The following ESRRG variants were observed in gnomAD, a reference collection of about 807,000 sequenced individuals.
The protein encoded by ESRRG is estrogen-related receptor gamma.
In ESRRG, 13 loss-of-function variants were observed where a neutral mutation model predicts 44.0. The ratio of observed to expected loss-of-function variants is 0.30; its 90% CI spans 0.19 to 0.47. The LOEUF (loss-of-function observed/expected upper bound fraction) is 0.47. ESRRG is among the 20% of genes least tolerant of loss of function. The pLI is 1.00. For synonymous variants in ESRRG, 215 were observed against 214.6 expected, an observed-to-expected ratio of 1.00 and a Z score of -0.02; for missense variants, 395 against 580.6, an observed-to-expected ratio of 0.68 and a Z score of 3.29.
chr1:216,710,333 C>G (rs2083339382), intron 1 of ESRRG, among the ~76,000 whole-genome samples: 1 of 152,134 alleles, frequency 6.6e-6, no homozygotes, highest in African/African-American at 2.4e-5. Flanking sequence ...CTGTACAGAG[C>G]TGGAAACAAA....
chr1:217,074,451 C>CG (rs140445948), intron 1 of ESRRG, among the ~76,000 whole-genome samples: 4 of 144,158 alleles, frequency 2.8e-5, no homozygotes, highest in Non-Finnish European at 3.0e-5. Context: ...TCCACCCCCC[C>CG]CAAAAAAAAA....
chr1:216,791,063 T>A (rs2094304174), intron 2 of ESRRG, among the ~76,000 whole-genome samples: 1 of 152,158 alleles, frequency 6.6e-6, no homozygotes, highest in South Asian at 2.1e-4. Context: ...GATTAAGAAG[T>A]GTAAGCAGTG....
intron 1 of ESRRG, among the ~76,000 whole-genome samples, chr1:217,039,352 T>C (rs973218543): frequency 1.3e-5 from 2 of 152,202 alleles, no homozygotes; most frequent in Non-Finnish European, 1.5e-5. Flanking sequence ...CTGATAAATA[T>C]GTACCCGAGA....
intron 2 of ESRRG, among the ~76,000 whole-genome samples, chr1:216,920,907 A>G (rs2061757633): frequency 6.6e-6 from 1 of 152,222 alleles, no homozygotes; most frequent in Non-Finnish European, 1.5e-5. Flanking sequence ...AGGCAGCATT[A>G]TGCTGTGAGC....
intron 1 of ESRRG, among the ~76,000 whole-genome samples, chr1:217,037,679 G>A (rs534411399): frequency 6.6e-6 from 1 of 152,086 alleles, no homozygotes; most frequent in African/African-American, 2.4e-5. Flanking sequence ...GTCCCCCAAA[G>A]TCTCAACTCA....
At chr1:216,997,375 T>G (rs2076496500) in intron 1 of ESRRG, among the ~76,000 whole-genome samples, 1 of 152,206 alleles carries the variant, frequency 6.6e-6, no homozygotes, top group East Asian at 1.9e-4. Context: ...GCCACTTCAT[T>G]TAGCAGCCTG....
intron 1 of ESRRG, among the ~76,000 whole-genome samples, chr1:217,029,050 T>C (rs2081627086): frequency 1.4e-5 from 1 of 69,108 alleles, no homozygotes. Context: ...ATGAGCTCTC[T>C]GAAAAACTTA....
intron 3 of ESRRG, among the ~76,000 whole-genome samples, chr1:216,595,231 A>T (rs979883593): frequency 6.6e-6 from 1 of 152,194 alleles, no homozygotes; most frequent in African/African-American, 2.4e-5. Context: ...CAAAGTTGAT[A>T]TTATTACCTG....
chr1:216,823,822 T>C (rs1296908110), intron 2 of ESRRG, among the ~76,000 whole-genome samples: 1 of 152,172 alleles, frequency 6.6e-6, no homozygotes, highest in Non-Finnish European at 1.5e-5. Context: ...TACTGGCTCC[T>C]GGCCTATGAT....
intron 2 of ESRRG, among the ~76,000 whole-genome samples, chr1:216,732,849 AG>A (rs796622589): frequency 7.1e-4 from 95 of 134,666 alleles, no homozygotes; most frequent in African/African-American, 2.6e-3. Context: ...AAAAAAAAAA[AG>A]GGGGGGGAGG....
chr1:216,873,336 T>G (rs1297915375), intron 2 of ESRRG, among the ~76,000 whole-genome samples: 4 of 148,238 alleles, frequency 2.7e-5, no homozygotes. Context: ...CTCAGCCTCC[T>G]GAGTAGCTGG....
chr1:217,116,759 A>G (rs555099175), intron 1 of ESRRG, among the ~76,000 whole-genome samples: 1 of 152,264 alleles, frequency 6.6e-6, no homozygotes, highest in South Asian at 2.1e-4. Context: ...TCCTCTTTGA[A>G]TACCTTCCTC....
At chr1:216,809,265 T>C (rs1315246041) in intron 2 of ESRRG, among the ~76,000 whole-genome samples, 1 of 151,892 alleles carries the variant, frequency 6.6e-6, no homozygotes, top group East Asian at 1.9e-4. Flanking sequence ...GTTTTTATTG[T>C]TGTTTTAAAA....
chr1:216,719,863 A>C (rs2085816497), intron 1 of ESRRG, among the ~76,000 whole-genome samples: 1 of 152,076 alleles, frequency 6.6e-6, no homozygotes, highest in Non-Finnish European at 1.5e-5. Flanking sequence ...AGAAACCATC[A>C]CTGTAAGAAG....
At chr1:216,978,206 C>T (rs901228482) in intron 1 of ESRRG, among the ~76,000 whole-genome samples, 1 of 152,168 alleles carries the variant, frequency 6.6e-6, no homozygotes, top group African/African-American at 2.4e-5. Context: ...CCACCCCCAA[C>T]TCCCACCCTC....
intron 1 of ESRRG, among the ~76,000 whole-genome samples, chr1:216,964,499 T>C (rs1052424519): frequency 2.6e-5 from 4 of 152,108 alleles, no homozygotes; most frequent in Non-Finnish European, 5.9e-5. Context: ...TGATGATGGC[T>C]CTGGGGAGTT....
chr1:216,608,828 C>A (rs2150274193), intron 3 of ESRRG, among the ~76,000 whole-genome samples: 1 of 152,218 alleles, frequency 6.6e-6, no homozygotes, highest in African/African-American at 2.4e-5. Flanking sequence ...TTATAAAAAC[C>A]ACTTTACCAA....
chr1:216,683,849 G>A (rs1334985358), intron 1 of ESRRG, among the ~76,000 whole-genome samples: 1 of 152,036 alleles, frequency 6.6e-6, no homozygotes, highest in Admixed American at 6.6e-5. Context: ...TATTAGGTTG[G>A]TCAACTATCC....
intron 1 of ESRRG, among the ~76,000 whole-genome samples, chr1:216,953,542 T>A (rs2150098534): frequency 6.6e-6 from 1 of 152,248 alleles, no homozygotes; most frequent in South Asian, 2.1e-4. Context: ...TGTTGTCTTC[T>A]TTTCTGTTCC....
Sources: allele counts gnomAD v4.1 joint callset (sites outside exome capture counted in the v4.1 genomes callset), GRCh38; gene constraint gnomAD v4.1.1; transcripts MANE v1.5; gene names NCBI Gene and HGNC (gene_info 2026-07-23, HGNC 2026-07-21).